Variants in ZNF419 observed in about 807,000 individuals in gnomAD.
The protein encoded by ZNF419 is zinc finger protein 419, also known as zinc finger protein 419A.
Under a neutral mutation model 14.9 loss-of-function variants are expected in ZNF419, and 8 were observed. That is an observed-to-expected ratio of 0.54 (90% CI 0.32 to 0.97). The LOEUF is 0.97. Ranked by LOEUF, ZNF419 falls within the 50% of genes least tolerant of loss-of-function variation. ZNF419 has a pLI of 0.04. For synonymous variants in ZNF419, 211 were observed against 205.3 expected, an observed-to-expected ratio of 1.03 and a Z score of -0.24; for missense variants, 595 against 607.2, an observed-to-expected ratio of 0.98 and a Z score of 0.21.
chr19:57,492,708 C>T (rs2089518235), intron 4 of ZNF419, 148 bp from the exon 5 acceptor site: 2 of 1,120,832 alleles, frequency 1.8e-6, no homozygotes, highest in East Asian at 2.4e-5. Flanking sequence ...CACTGCACAG[C>T]AGGCCCTTCC....
Position 57,491,491 on chromosome 19 carries a change from T to A in ZNF419, c.93T>A (p.Asp31Glu), listed in dbSNP as rs62126198. The A allele has an allele frequency of 6.4e-7, 1 of 1,561,082 alleles. No individual in the cohort carries two copies. The part of the protein sequence containing the change: ...DHEEGYVTFE[D>E]VAVYFSQEEW... ...AGCAGGGCTATGTGACCTTTGAGGA[T>A]GTGGCTGTCTACTTCTCCCAGGAGG... The change falls in exon 3 of 5, where the codon GAT becomes GAA. Residue 31 changes from aspartate to glutamate, a missense_variant. Transcript: ENST00000221735.
In ZNF419 at chr19:57,493,965, C is replaced by T. The variant is rs1194540913; in HGVS notation, c.1408C>T (p.Leu470Phe). ...GAGATTGTTTAGAGAGAATTCCAGC[C>T]TTGTTAAACATCAGAGGGTTCACAC... ...CGRLFRENSS[L>F]VKHQRVHTGA... The change falls in exon 5 of 5, where the codon CTT becomes TTT. Residue 470 changes from leucine to phenylalanine, a missense_variant. Physicochemically the swap from Leu to Phe is conservative, Grantham distance 22 (BLOSUM62 0). Coordinates refer to ENST00000221735, the MANE Select transcript of ZNF419 (RefSeq NM_024691.4). 2 of 1,613,978 alleles carry T rather than the reference C, an allele frequency of 1.2e-6. No homozygotes were observed. The highest frequency in any genetic ancestry group is 1.3e-5 in the African/African-American group (1 of 74,910).
At chr19:57,490,792 C>G (rs964695354) in intron 2 of ZNF419, 2 of 155,150 alleles carry the variant, frequency 1.3e-5, no homozygotes, top group African/African-American at 4.8e-5. Context: ...TCCATTATGT[C>G]TGGGGGAAGC....
chr19:57,491,298 T>G, intron 2 of ZNF419, 173 bp from the exon 3 acceptor site: 3 of 933,194 alleles, frequency 3.2e-6, no homozygotes, highest in Non-Finnish European at 3.2e-6. Flanking sequence ...TACCTGCCTA[T>G]TGTTGCTCAG....
intron 4 of ZNF419, chr19:57,492,626 T>A: frequency 1.3e-6 from 1 of 762,018 alleles, no homozygotes; most frequent in Middle Eastern, 2.9e-4. Flanking sequence ...CTCTCCTCCC[T>A]GTGCTATACC....
chr19:57,493,379 C>A lies in ZNF419; in HGVS notation c.822C>A (p.Leu274=). Residue 274 remains leucine, a synonymous_variant, in exon 5 of 5, where the codon CTC becomes CTA. Transcript: ENST00000221735. ...AATCCTTTAGCCGTAATGCTCACCT[C>A]ATTGAACACCAGAGAGTTCACACTG... ...CGKSFSRNAH[L]IEHQRVHTGE... The A allele has an allele frequency of 6.2e-7, 1 of 1,614,132 alleles. No homozygotes were observed. Among genetic ancestry groups the A allele is most frequent in the Non-Finnish European group, 8.5e-7 (1 of 1,180,004 alleles).
Position 57,487,762 on chromosome 19 carries a change from C to G in ZNF419, c.-189C>G, listed in dbSNP as rs1383231066. ...CGGCGTCTCGTTTGGTATTCACTTTCGCGACTCAGGTGAACTAACCTGCGA... is the reference window on the plus strand; with the variant it reads ...CGGCGTCTCGTTTGGTATTCACTTTGGCGACTCAGGTGAACTAACCTGCGA... On this transcript the variant is annotated 5_prime_UTR_variant, in exon 1 of 5. Transcript: ENST00000221735. The G allele has an allele frequency of 9.5e-6, 7 of 735,442 alleles. No individual in the cohort carries two copies. Among genetic ancestry groups the G allele is most frequent in the South Asian group, 1.8e-5 (1 of 56,876 alleles). 45.6% of individuals were successfully genotyped at this position (735,442 alleles called of 1,614,324 possible).
Position 57,493,765 on chromosome 19 carries a change from A to C in ZNF419, c.1208A>C (p.Glu403Ala). ...GGAGAAAAGCCTTTTAAGTGCAATGAATGTGGGAGATTCTTTAGAGAGAAT... is the reference window on the plus strand; with the variant it reads ...GGAGAAAAGCCTTTTAAGTGCAATGCATGTGGGAGATTCTTTAGAGAGAAT... ...HTGEKPFKCNECGRFFRENST... is the reference protein window; with the variant it reads ...HTGEKPFKCNACGRFFRENST... The change falls in exon 5 of 5, where the codon GAA (glutamate) becomes GCA (alanine). Residue 403 changes from glutamate (E) to alanine (A), a missense_variant. Transcript: ENST00000221735. The C allele has an allele frequency of 6.2e-7, 1 of 1,614,206 alleles. No homozygotes were observed. The highest frequency in any genetic ancestry group is 8.5e-7 in the Non-Finnish European group (1 of 1,180,014).
In ZNF419 at chr19:57,493,299, A is replaced by C. The variant is rs578135618; in HGVS notation, c.742A>C (p.Ile248Leu). The C allele has an allele frequency of 4.3e-6, 7 of 1,614,238 alleles. 1 individual carries two copies. The East Asian group carries it at 1.6e-4, about 36-fold the overall frequency. Residue 248 changes from isoleucine to leucine, a missense_variant, in exon 5 of 5, where the codon ATA becomes CTA. Coordinates refer to ENST00000221735, the MANE Select transcript of ZNF419 (RefSeq NM_024691.4). The part of the protein sequence containing the change: ...KLFRDMSNLF[I>L]HQIVHTGERP... The stretch of plus-strand genomic sequence containing the variant: ...ATTTAGAGATATGTCCAACCTTTTT[A>C]TACACCAAATAGTTCACACTGGAGA...
chr19:57,491,700 C>T, intron 3 of ZNF419, 103 bp downstream of exon 3: 1 of 1,480,380 alleles, frequency 6.8e-7, no homozygotes, highest in Non-Finnish European at 9.3e-7. Flanking sequence ...TGTGGGCACT[C>T]ATTCCTTCTC....
rs765230116 is a variant in ZNF419 at position 57,493,814 on chromosome 19, G to A, written c.1257G>A (p.Arg419=). Residue 419 remains arginine (R), a synonymous_variant, in exon 5 of 5, where the codon AGG becomes AGA. Transcript: ENST00000221735. ...RENSTLVRHQ[R]VHTGAKPYEC... ...ATTCCACCCTAGTTAGACATCAGAG[G>A]GTTCACACTGGAGCAAAGCCTTATG... 6.2e-7 allele frequency: 1 copy of A among 1,612,932 alleles called. No homozygotes were observed. The highest frequency in any genetic ancestry group is 1.3e-5 in the African/African-American group (1 of 74,518).
At position 57,492,993 on chromosome 19, in the gene ZNF419, GT is replaced by G. The variant is rs780738476; in HGVS notation, c.440del (p.Leu147Ter). 1.1e-5 allele frequency: 17 copies of G among 1,614,172 alleles called. No homozygotes were observed. In the South Asian group the frequency reaches 1.8e-4, roughly 17 times the overall value. On this transcript the variant is annotated frameshift_variant, in exon 5 of 5. Transcript: ENST00000221735. LOFTEE classifies it low-confidence loss of function (END_TRUNC). Reference protein sequence around the residue: ...PLKRQEGRVPVLRSCKVHLSE... With the variant: ...PLKRQEGRVPXLRSCKVHLSE... ...AAAAAGACAAGAGGGCAGGGTCCCAGTTTTGAGGAGTTGCAAAGTTCACCTA... is the reference window on the plus strand; with the variant it reads ...AAAAAGACAAGAGGGCAGGGTCCCAGTTTGAGGAGTTGCAAAGTTCACCTA...
At chr19:57,491,106 A>G in intron 2 of ZNF419, 1 of 263,980 alleles carries the variant, frequency 3.8e-6, no homozygotes, top group Non-Finnish European at 7.4e-6. Flanking sequence ...AAGTATGTGC[A>G]CATTCTAATA....
At chr19:57,488,895 G>GT (rs1426967396) in intron 1 of ZNF419, 2 of 152,642 alleles carry the variant, frequency 1.3e-5, no homozygotes, top group South Asian at 2.1e-4. Context: ...ATAGCATGGA[G>GT]TTTTGTGGTC....
In ZNF419 at chr19:57,495,911, C is replaced by T. The variant is rs962388536; in HGVS notation, c.*1821C>T. On this transcript the variant is annotated 3_prime_UTR_variant, in exon 5 of 5. Transcript: ENST00000221735. ...TTCCCTATCTTTACTGAGAGCCTAG[C>T]AAGCCATGGCATTCCAGTAGTTTTG... 1 of 152,050 alleles carries T rather than the reference C, an allele frequency of 6.6e-6. No homozygotes were observed. The highest frequency in any genetic ancestry group is 2.4e-5 in the African/African-American group (1 of 41,402). The allele number at this position is 152,050 out of a possible 1,614,324, so 9.4% of individuals were successfully genotyped here.
At position 57,487,848 on chromosome 19, in the gene ZNF419, C is replaced by G; in HGVS notation, c.-103C>G. The G allele has an allele frequency of 1.3e-6, 2 of 1,563,670 alleles. No homozygotes were observed. The highest frequency in any genetic ancestry group is 8.8e-7 in the Non-Finnish European group (1 of 1,136,350). On this transcript the variant is annotated 5_prime_UTR_variant, in exon 1 of 5. Transcript: ENST00000221735. ...AGGCACGGTGGCGACTCACGCTGTT[C>G]TCGCCGCTCAGAGGCGGGTCTGAGG...
Position 57,491,533 on chromosome 19 carries a change from T to A in ZNF419, c.135T>A (p.Asp45Glu), listed in dbSNP as rs2089482060. The A allele has an allele frequency of 3.1e-6, 5 of 1,614,020 alleles. No homozygotes were observed. Among genetic ancestry groups the A allele is most frequent in the Non-Finnish European group, 3.4e-6 (4 of 1,180,032 alleles). Residue 45 changes from aspartate to glutamate, a missense_variant, in exon 3 of 5, where the codon GAT becomes GAA. Physicochemically the swap from Asp to Glu is conservative, Grantham distance 45 (BLOSUM62 2). Transcript: ENST00000221735. ...CCCAGGAGGAATGGAGATTGCTTGA[T>A]GACGCTCAGAGGCTCCTCTACCGCA... The part of the protein sequence containing the change: ...YFSQEEWRLL[D>E]DAQRLLYRNV...
At position 57,494,165 on chromosome 19, in the gene ZNF419, G is replaced by A. The variant is rs992876877; in HGVS notation, c.*75G>A. 1.0e-5 allele frequency: 16 copies of A among 1,528,426 alleles called. No individual in the cohort carries two copies. Among genetic ancestry groups the A allele is most frequent in the Non-Finnish European group, 1.4e-5 (16 of 1,143,116 alleles). 94.7% of individuals were successfully genotyped at this position (1,528,426 alleles called of 1,614,324 possible). ...GTTCACAGTGGAAAAAATCTTGAAGGTAACAGATGGAAATCCGTTAGCCAC... is the reference window on the plus strand; with the variant it reads ...GTTCACAGTGGAAAAAATCTTGAAGATAACAGATGGAAATCCGTTAGCCAC... On this transcript the variant is annotated 3_prime_UTR_variant, in exon 5 of 5. Coordinates refer to ENST00000221735, the MANE Select transcript of ZNF419 (RefSeq NM_024691.4).
Position 57,492,310 on chromosome 19 carries a change from G to T in ZNF419, c.298+99G>T, listed in dbSNP as rs374454594. 2.0e-5 allele frequency: 27 copies of T among 1,332,868 alleles called. No individual in the cohort carries two copies. The African/African-American group carries it at 3.3e-4, about 16-fold the overall frequency. The allele number at this position is 1,332,868 out of a possible 1,614,324, so 82.6% of individuals were successfully genotyped here. ...TTTGATACCAAGGCAAGGGGTTGTC[G>T]CTGATTTCTATCTTTTCTTCCTTAG... is the stretch of plus-strand genomic sequence containing the variant. On this transcript the variant is annotated intron_variant, in intron 4 of 4. Coordinates refer to ENST00000221735, the MANE Select transcript of ZNF419 (RefSeq NM_024691.4).
Sources: allele counts gnomAD v4.1 joint callset, GRCh38; gene constraint gnomAD v4.1.1; transcripts MANE v1.5; gene names NCBI Gene and HGNC (gene_info 2026-07-23, HGNC 2026-07-21).